The following IQCB1 variants were observed in gnomAD, a reference collection of about 807,000 sequenced individuals.
The protein encoded by IQCB1 is IQ calmodulin-binding motif-containing protein 1.
A neutral mutation model predicts 84.4 loss-of-function variants in IQCB1; 56 were observed. That is an observed-to-expected ratio of 0.66 (90% CI 0.54 to 0.83). The LOEUF is 0.83. Ranked by LOEUF, IQCB1 falls within the 40% of genes least tolerant of loss-of-function variation. The probability of loss-of-function intolerance (pLI) is 0.00; values close to 1 mark genes in which losing one functional copy is unlikely to be tolerated. For missense variants in IQCB1, 629 were observed against 682.1 expected, an observed-to-expected ratio of 0.92 and a Z score of 0.87; for synonymous variants, 210 against 234.8, an observed-to-expected ratio of 0.89 and a Z score of 0.96.
chr3:121,791,714 T>A (rs1948981561), intron 10 of IQCB1, among the ~76,000 whole-genome samples: 2 of 152,158 alleles, frequency 1.3e-5, no homozygotes, highest in Non-Finnish European at 2.9e-5. Context: ...ATGCAGATAA[T>A]AATGTTTTAT....
chr3:121,791,999 G>A (rs1948995069), intron 10 of IQCB1, among the ~76,000 whole-genome samples: 1 of 152,070 alleles, frequency 6.6e-6, no homozygotes, highest in Non-Finnish European at 1.5e-5. Context: ...GCTGAGGCAG[G>A]AGCTTGAACC....
At chr3:121,797,275 A>G (rs1278323502) in intron 8 of IQCB1, 48 bp from the exon 9 acceptor site, 1 of 865,166 alleles carries the variant, frequency 1.2e-6, no homozygotes, top group African/African-American at 1.7e-5. Flanking sequence ...ATAATAAAAT[A>G]TGATTTTGTT....
intron 13 of IQCB1, among the ~76,000 whole-genome samples, chr3:121,779,935 G>A (rs578000850): frequency 1.4e-4 from 21 of 152,304 alleles, no homozygotes; most frequent in Non-Finnish European, 2.2e-4. Context: ...GATGGGAACA[G>A]ATACTATTCC....
rs541856608 is a variant in IQCB1 at position 121,778,968 on chromosome 3, A to G, written c.1410+2775T>C. Among the ~76,000 whole-genome samples the G allele has an allele frequency of 7.2e-5, 11 of 151,990 alleles. No homozygotes were observed. The South Asian group carries it at 1.0e-3, about 14-fold the overall frequency. ...ACTGAGCAATGTAATCTTTGTCTTT[A>G]CGTAACATTTAAAAATTTTTTTACA... On this transcript the variant is annotated intron_variant, in intron 13 of 14. Transcript: ENST00000310864.
At chr3:121,804,313 A>T (rs1949525734) in intron 7 of IQCB1, among the ~76,000 whole-genome samples, 1 of 152,102 alleles carries the variant, frequency 6.6e-6, no homozygotes, top group Non-Finnish European at 1.5e-5. Flanking sequence ...TTATAGATAT[A>T]TTAAAATAAT....
intron 13 of IQCB1, among the ~76,000 whole-genome samples, chr3:121,773,601 A>T (rs1453592636): frequency 6.6e-6 from 1 of 152,152 alleles, no homozygotes; most frequent in Non-Finnish European, 1.5e-5. Flanking sequence ...GCTTTCTCAA[A>T]TATTCCTGTT....
At chr3:121,793,870 T>C (rs1470513058) in intron 10 of IQCB1, among the ~76,000 whole-genome samples, 1 of 152,148 alleles carries the variant, frequency 6.6e-6, no homozygotes. Context: ...GATTTTAATA[T>C]TGAAAGAGAG....
intron 12 of IQCB1, among the ~76,000 whole-genome samples, chr3:121,784,866 G>A (rs1339071825): frequency 1.3e-5 from 2 of 152,026 alleles, no homozygotes; most frequent in Admixed American, 6.6e-5. Context: ...TAGAGAAAGA[G>A]TCTTATTATG....
intron 5 of IQCB1, among the ~76,000 whole-genome samples, chr3:121,811,693 G>C (rs1949836932): frequency 1.3e-5 from 2 of 152,134 alleles, no homozygotes; most frequent in Admixed American, 6.5e-5. Flanking sequence ...AGCACAGCAA[G>C]GCAGCTGTGG....
chr3:121,787,590 A>G (rs1948787995), intron 12 of IQCB1, among the ~76,000 whole-genome samples: 1 of 152,114 alleles, frequency 6.6e-6, no homozygotes, highest in African/African-American at 2.4e-5. Context: ...GTCTCTATTA[A>G]AAATACAAAC....
intron 5 of IQCB1, among the ~76,000 whole-genome samples, chr3:121,813,952 CAAAT>C (rs1002166772): frequency 6.6e-6 from 1 of 152,164 alleles, no homozygotes; most frequent in Non-Finnish European, 1.5e-5. Flanking sequence ...CTCTCCACCC[CAAAT>C]AAATAGAATA....
chr3:121,817,293 C>A (rs551743290), intron 5 of IQCB1, among the ~76,000 whole-genome samples: 1 of 151,958 alleles, frequency 6.6e-6, no homozygotes, highest in East Asian at 1.9e-4. Flanking sequence ...AGCATTAGGA[C>A]AAATACCTAA....
intron 12 of IQCB1, among the ~76,000 whole-genome samples, chr3:121,783,932 T>G (rs1358649914): frequency 6.6e-6 from 1 of 152,232 alleles, no homozygotes; most frequent in Non-Finnish European, 1.5e-5. Flanking sequence ...ACAATCTTAC[T>G]TCAATACTTT....
intron 13 of IQCB1, among the ~76,000 whole-genome samples, chr3:121,777,143 A>C (rs371260556): frequency 2.6e-5 from 4 of 152,310 alleles, no homozygotes; most frequent in African/African-American, 9.6e-5. Flanking sequence ...TTTGAGTTAC[A>C]TTTTGCATAT....
At chr3:121,833,071 C>T (rs1309099780) in intron 2 of IQCB1, among the ~76,000 whole-genome samples, 3 of 152,094 alleles carry the variant, frequency 2.0e-5, no homozygotes, top group African/African-American at 7.2e-5. Flanking sequence ...AGAAAATTCA[C>T]CTCAGAAGGT....
chr3:121,788,454 T>C (rs1050217095), intron 11 of IQCB1, 22 bp from the exon 12 acceptor site: 18 of 1,605,392 alleles, frequency 1.1e-5, no homozygotes, highest in Non-Finnish European at 1.5e-5. Flanking sequence ...ATAGACACTA[T>C]TACAACATAC....
Position 121,788,261 on chromosome 3 carries a change from T to G in IQCB1, c.1278+23A>C, listed in dbSNP as rs553681688. The G allele has an allele frequency of 4.1e-5, 66 of 1,611,734 alleles. No individual in the cohort carries two copies. In the South Asian group the frequency reaches 6.8e-4, roughly 17 times the overall value. ...ATGTTTTTGCCTCTTGATTCAGAGC[T>G]CTTTTCACTACATTAGACTCACTGC... On this transcript the variant is annotated intron_variant, in intron 12 of 14. Transcript: ENST00000310864.
At chr3:121,822,727 G>C (rs970678302) in intron 5 of IQCB1, among the ~76,000 whole-genome samples, 9 of 152,136 alleles carry the variant, frequency 5.9e-5, no homozygotes, top group African/African-American at 1.9e-4. Flanking sequence ...CTGTGAACCA[G>C]GACTAAGGGC....
chr3:121,813,698 G>C (rs1164497521), intron 5 of IQCB1, among the ~76,000 whole-genome samples: 1 of 152,106 alleles, frequency 6.6e-6, no homozygotes, highest in Non-Finnish European at 1.5e-5. Context: ...AATGGTAAAG[G>C]GATCAATGCA....
Sources: allele counts gnomAD v4.1 joint callset (sites outside exome capture counted in the v4.1 genomes callset), GRCh38; gene constraint gnomAD v4.1.1; transcripts MANE v1.5; gene names NCBI Gene and HGNC (gene_info 2026-07-23, HGNC 2026-07-21).